The following CLASP1 variants were observed in gnomAD, a reference collection of about 807,000 sequenced individuals.
The protein encoded by CLASP1 is CLIP-associating protein 1.
A neutral mutation model predicts 192.3 loss-of-function variants in CLASP1; 38 were observed. The observed-to-expected ratio is 0.20, with a 90% CI of 0.15 to 0.26. The LOEUF (loss-of-function observed/expected upper bound fraction) is 0.26, where lower values mean the gene tolerates loss of function less well. Ranked by LOEUF, CLASP1 falls within the 10% of genes least tolerant of loss-of-function variation. The pLI is 1.00. For synonymous variants in CLASP1, 691 were observed against 712.8 expected, an observed-to-expected ratio of 0.97 and a Z score of 0.49; for missense variants, 1,433 against 1,932.5, an observed-to-expected ratio of 0.74 and a Z score of 4.85.
intron 2 of CLASP1, among the ~76,000 whole-genome samples, chr2:121,591,617 A>T (rs1334664994): frequency 6.6e-6 from 1 of 152,192 alleles, no homozygotes; most frequent in African/African-American, 2.4e-5. Flanking sequence ...AAACGTGCTC[A>T]GCCTCGCTGG....
intron 2 of CLASP1, chr2:121,530,926 TG>T: frequency 1.4e-6 from 1 of 699,946 alleles, no homozygotes; most frequent in African/African-American, 1.7e-5. Flanking sequence ...GAGCGCATAG[TG>T]AGGGCAGTAC....
intron 2 of CLASP1, among the ~76,000 whole-genome samples, chr2:121,583,567 C>A (rs1030944637): frequency 3.3e-5 from 5 of 152,188 alleles, no homozygotes; most frequent in African/African-American, 4.8e-5. Context: ...ATATGCAAAG[C>A]AAACATTTCT....
chr2:121,455,387 T>C (rs2086415516), intron 14 of CLASP1, among the ~76,000 whole-genome samples: 2 of 152,272 alleles, frequency 1.3e-5, no homozygotes, highest in African/African-American at 2.4e-5. Flanking sequence ...ATAGCCAAGA[T>C]AGGGAATCAA....
chr2:121,425,784 AAGAT>A (rs1211921088), intron 21 of CLASP1, among the ~76,000 whole-genome samples: 16 of 152,348 alleles, frequency 1.1e-4, no homozygotes, highest in Admixed American at 7.8e-4. Flanking sequence ...ATCACAAAAT[AAGAT>A]AGAAGCTCAA....
chr2:121,647,565 T>C (rs1576757801), intron 1 of CLASP1, among the ~76,000 whole-genome samples: 2 of 152,142 alleles, frequency 1.3e-5, no homozygotes, highest in Admixed American at 6.5e-5. Context: ...ATCCCACTAG[T>C]TACTTAAGCA....
At chr2:121,615,198 G>C (rs915806296) in intron 1 of CLASP1, among the ~76,000 whole-genome samples, 8 of 152,090 alleles carry the variant, frequency 5.3e-5, no homozygotes, top group African/African-American at 1.9e-4. Flanking sequence ...AAATTAGCCG[G>C]GCATAGGGCG....
intron 1 of CLASP1, among the ~76,000 whole-genome samples, 151 bp downstream of exon 1, chr2:121,649,221 G>A (rs1326907828): frequency 6.6e-6 from 1 of 152,080 alleles, no homozygotes; most frequent in Non-Finnish European, 1.5e-5. Flanking sequence ...TCCCACCTCA[G>A]GGCCGCCCCA....
At chr2:121,344,516 A>G (rs1250398311) in intron 39 of CLASP1, among the ~76,000 whole-genome samples, 1 of 151,956 alleles carries the variant, frequency 6.6e-6, no homozygotes. Flanking sequence ...TTTGTAGTAG[A>G]GATGGGGTTT....
At chr2:121,363,053 G>T in intron 37 of CLASP1, 119 bp downstream of exon 38, 2 of 1,275,468 alleles carry the variant, frequency 1.6e-6, no homozygotes, top group Non-Finnish European at 2.2e-6. Flanking sequence ...TTACGACATG[G>T]CTGAGTTCCA....
intron 1 of CLASP1, among the ~76,000 whole-genome samples, chr2:121,641,372 T>C (rs1243779538): frequency 6.8e-6 from 1 of 148,092 alleles, no homozygotes; most frequent in Non-Finnish European, 1.5e-5. Context: ...CACCCACAGA[T>C]ATTCTGATTA....
At chr2:121,594,433 C>T (rs1259285378) in intron 2 of CLASP1, among the ~76,000 whole-genome samples, 1 of 150,646 alleles carries the variant, frequency 6.6e-6, no homozygotes, top group Non-Finnish European at 1.5e-5. Flanking sequence ...TGCTCTGTTG[C>T]CCAGGCTGGA....
intron 28 of CLASP1, among the ~76,000 whole-genome samples, chr2:121,400,534 C>T (rs1037656481): frequency 2.0e-5 from 3 of 152,166 alleles, no homozygotes; most frequent in Admixed American, 6.5e-5. Context: ...CCCCTGCCCC[C>T]ACAGGAGGTG....
At chr2:121,342,421 G>C (rs891966661) in intron 39 of CLASP1, among the ~76,000 whole-genome samples, 4 of 152,064 alleles carry the variant, frequency 2.6e-5, no homozygotes, top group African/African-American at 9.7e-5. Flanking sequence ...CCTAGCCTTA[G>C]AAAACATCTT....
intron 1 of CLASP1, among the ~76,000 whole-genome samples, chr2:121,633,307 C>T (rs1183709731): frequency 6.6e-6 from 1 of 152,014 alleles, no homozygotes; most frequent in East Asian, 1.9e-4. Context: ...CCCCAGATAC[C>T]TTCTTAAAAC....
At chr2:121,587,223 G>A (rs770316396) in intron 2 of CLASP1, among the ~76,000 whole-genome samples, 4 of 151,014 alleles carry the variant, frequency 2.6e-5, no homozygotes, top group Non-Finnish European at 4.4e-5. Flanking sequence ...CCTGGGCAAC[G>A]CGGCGAGACT....
intron 34 of CLASP1, among the ~76,000 whole-genome samples, chr2:121,370,130 C>G (rs2068302808): frequency 6.6e-6 from 1 of 152,194 alleles, no homozygotes; most frequent in African/African-American, 2.4e-5. Flanking sequence ...GTGCATCACC[C>G]TCCTACTGCA....
At chr2:121,447,210 T>C in intron 19 of CLASP1, 127 bp downstream of exon 19, 2 of 873,680 alleles carry the variant, frequency 2.3e-6, no homozygotes, top group Non-Finnish European at 3.5e-6. Flanking sequence ...CGAAGCTACT[T>C]AGATTTAAAT....
chr2:121,535,775 C>A (rs559970495), intron 2 of CLASP1, among the ~76,000 whole-genome samples: 1 of 151,758 alleles, frequency 6.6e-6, no homozygotes, highest in East Asian at 2.0e-4. Context: ...CAGCAACCTG[C>A]CCCCTCCCCA....
rs985674359 is a variant in CLASP1, at chr2:121,338,750, C to T, written c.*2111G>A. On this transcript the variant is annotated 3_prime_UTR_variant, in exon 40 of 40. Transcript: ENST00000263710. ...TAGCCCTTTGTGAGTACTATGAGGA[C>T]GTCCAGCAATGTTCGAGATCCTTTC... is the stretch of plus-strand genomic sequence containing the variant. The T allele has an allele frequency of 2.0e-5, 3 of 152,244 alleles. No individual in the cohort carries two copies. The East Asian group carries it at 5.8e-4, about 29-fold the overall frequency. The allele number at this position is 152,244 out of a possible 1,614,324, so 9.4% of individuals were successfully genotyped here.
Sources: gnomAD v4.1 joint callset for allele counts (sites outside exome capture counted in the v4.1 genomes callset) on GRCh38, gnomAD v4.1.1 for gene constraint, MANE v1.5 for transcripts, NCBI Gene and HGNC (gene_info 2026-07-23, HGNC 2026-07-21) for gene names.